SLC35F3: variants seen among roughly 807,000 people sequenced by gnomAD.
SLC35F3 encodes the protein solute carrier family 35 member F3.
A neutral mutation model predicts 49.9 loss-of-function variants in SLC35F3; 25 were observed. The observed-to-expected ratio is 0.50, with a 90% CI of 0.37 to 0.70. The LOEUF (loss-of-function observed/expected upper bound fraction) is 0.70. Ranked by LOEUF, SLC35F3 falls within the 30% of genes least tolerant of loss-of-function variation. The pLI is 0.00. For synonymous variants in SLC35F3, 275 were observed against 265.4 expected, an observed-to-expected ratio of 1.04 and a Z score of -0.35; for missense variants, 525 against 639.8, an observed-to-expected ratio of 0.82 and a Z score of 1.94.
intron 2 of SLC35F3, among the ~76,000 whole-genome samples, chr1:233,967,403 A>G (rs1662921759): frequency 6.6e-6 from 1 of 152,234 alleles, no homozygotes; most frequent in Admixed American, 6.5e-5. Context: ...ATTTTTAGCT[A>G]GATTATCTGG....
chr1:234,197,586 T>C (rs1558257221), intron 2 of SLC35F3, among the ~76,000 whole-genome samples: 4 of 152,014 alleles, frequency 2.6e-5, no homozygotes, highest in Admixed American at 2.0e-4. Flanking sequence ...CACTCCCTGA[T>C]GTGGAGAGGG....
chr1:234,190,439 A>G (rs913058458), intron 2 of SLC35F3, among the ~76,000 whole-genome samples: 5 of 152,232 alleles, frequency 3.3e-5, no homozygotes, highest in African/African-American at 4.8e-5. Flanking sequence ...CAGACAAAAC[A>G]AACTTGAAAG....
In SLC35F3 at chr1:233,996,590, C is replaced by T. The variant is rs190748552; in HGVS notation, c.283+90832C>T. ...GACAGCCTCACACTGGTTGCCAAAC[C>T]CTTCCCTCTTTGGAATGTGCCATGG... On this transcript the variant is annotated intron_variant, in intron 2 of 7. Transcript: ENST00000366618. 1.2e-4 allele frequency among the ~76,000 whole-genome samples: 18 copies of T among 152,224 alleles called. No individual in the cohort carries two copies. In the East Asian group the frequency reaches 2.9e-3, roughly 24 times the overall value.
At chr1:234,212,313 A>G (rs1399912777) in intron 2 of SLC35F3, among the ~76,000 whole-genome samples, 1 of 152,210 alleles carries the variant, frequency 6.6e-6, no homozygotes, top group African/African-American at 2.4e-5. Flanking sequence ...AGTATAAACC[A>G]GTTTCCCCAG....
At chr1:234,136,259 T>TGTCTTTCTTTCTC (rs1665809969) in intron 2 of SLC35F3, among the ~76,000 whole-genome samples, 1 of 112,334 alleles carries the variant, frequency 8.9e-6, no homozygotes, top group Non-Finnish European at 1.8e-5. Flanking sequence ...TTTCTTTTTC[T>TGTCTTTCTTTCTC]GTCTTTCTTT....
In SLC35F3 at chr1:234,231,796, C is replaced by A; in HGVS notation, c.608+55C>A. On this transcript the variant is annotated intron_variant, in intron 3 of 7. Coordinates refer to ENST00000366618, the MANE Select transcript of SLC35F3 (RefSeq NM_173508.4). This position sits in a 1 kb window ranked among gnomAD's most constrained non-coding sequence, Gnocchi z 5.4. ...TGACCCCGGGCTGCTCCATCCAGCG[C>A]TGACTCTGCAGAGCTGCCCCTGGTG... 1 of 1,524,496 alleles carries A rather than the reference C, an allele frequency of 6.6e-7. No individual in the cohort carries two copies. Among genetic ancestry groups the A allele is most frequent in the Non-Finnish European group, 8.9e-7 (1 of 1,120,852 alleles). 94.4% of individuals were successfully genotyped at this position (1,524,496 alleles called of 1,614,324 possible). A position where few individuals can be genotyped will look rare whatever the true frequency, so the allele number is the denominator to read the frequency against.
At position 233,905,727 on chromosome 1, in the gene SLC35F3, T is replaced by G. The variant is rs1301985322; in HGVS notation, c.252T>G (p.Tyr84Ter). 1 of 1,613,988 alleles carries G rather than the reference T, an allele frequency of 6.2e-7. No individual in the cohort carries two copies. The highest frequency in any genetic ancestry group is 1.1e-5 in the South Asian group (1 of 91,052). Residue 84 changes from tyrosine (Y) to a stop codon, truncating the protein, a stop_gained, in exon 2 of 8, where the codon TAT (tyrosine) becomes TAG (stop). Transcript: ENST00000366618. LOFTEE classifies it high-confidence loss of function. ...EERILRITGY[Y>*]GYQPWAASCK... is the part of the protein sequence containing the mutation. ...GGATCCTGCGCATCACTGGCTACTA[T>G]GGCTACCAGCCCTGGGCAGCGAGCT... is the stretch of plus-strand genomic sequence containing the variant.
chr1:234,111,990 C>G (rs1025734986), intron 2 of SLC35F3, among the ~76,000 whole-genome samples: 2 of 152,022 alleles, frequency 1.3e-5, no homozygotes, highest in African/African-American at 4.8e-5. Context: ...TAAATGCAGG[C>G]CATGCTTTCG....
At chr1:234,174,134 C>T (rs1666442106) in intron 2 of SLC35F3, among the ~76,000 whole-genome samples, 1 of 152,244 alleles carries the variant, frequency 6.6e-6, no homozygotes, top group East Asian at 1.9e-4. Flanking sequence ...TGTTTTGTCC[C>T]TGTGCTAATG....
In SLC35F3 at chr1:233,995,652, T is replaced by A. The variant is rs565983469; in HGVS notation, c.283+89894T>A. ...GGCTTTTCTTGGACAAGTCTCAGTA[T>A]AACAACAGCAGCAGAGGAGAGGAAG... On this transcript the variant is annotated intron_variant, in intron 2 of 7. Coordinates refer to ENST00000366618, the MANE Select transcript of SLC35F3 (RefSeq NM_173508.4). Among the ~76,000 whole-genome samples, 27 of 152,288 alleles carry A rather than the reference T, an allele frequency of 1.8e-4. 1 individual carries two copies. The South Asian group carries it at 5.4e-3, about 30-fold the overall frequency.
intron 2 of SLC35F3, among the ~76,000 whole-genome samples, chr1:233,991,296 C>CTAA (rs1471369140): frequency 1.3e-5 from 2 of 152,086 alleles, no homozygotes; most frequent in Non-Finnish European, 2.9e-5. Context: ...AAATGCTTAC[C>CTAA]CTCTGTGCTG....
chr1:234,267,785 G>A (rs1417450904), intron 3 of SLC35F3, among the ~76,000 whole-genome samples: 5 of 148,238 alleles, frequency 3.4e-5, no homozygotes, highest in African/African-American at 1.0e-4. Flanking sequence ...CAGATGGGGC[G>A]GCCGGGCAGA....
At chr1:234,155,503 G>A (rs1024593644) in intron 2 of SLC35F3, among the ~76,000 whole-genome samples, 5 of 151,986 alleles carry the variant, frequency 3.3e-5, no homozygotes, top group South Asian at 4.2e-4. Flanking sequence ...TCTGACTCCC[G>A]GGTTGAAGCG....
intron 2 of SLC35F3, among the ~76,000 whole-genome samples, chr1:234,139,928 C>G (rs919132032): frequency 2.5e-5 from 2 of 81,628 alleles, no homozygotes; most frequent in African/African-American, 8.5e-5. Flanking sequence ...AGCCTGGCAA[C>G]AGAGCGAGAC....
chr1:234,193,363 A>G (rs1043610924), intron 2 of SLC35F3, among the ~76,000 whole-genome samples: 5 of 152,222 alleles, frequency 3.3e-5, no homozygotes, highest in African/African-American at 1.2e-4. Flanking sequence ...CTATTCAACA[A>G]ATGGTGTGGG....
At chr1:234,013,263 A>G (rs2102838705) in intron 2 of SLC35F3, among the ~76,000 whole-genome samples, 1 of 152,208 alleles carries the variant, frequency 6.6e-6, no homozygotes, top group South Asian at 2.1e-4. Flanking sequence ...TCAAAAGGGA[A>G]ATTTTTAAAA....
intron 2 of SLC35F3, among the ~76,000 whole-genome samples, chr1:234,064,141 A>C (rs1298074918): frequency 6.6e-6 from 1 of 151,974 alleles, no homozygotes; most frequent in Non-Finnish European, 1.5e-5. Context: ...TGTCTGTTTT[A>C]TACTTTTGCT....
intron 3 of SLC35F3, among the ~76,000 whole-genome samples, chr1:234,279,592 C>T (rs1668269817): frequency 1.3e-5 from 2 of 152,154 alleles, no homozygotes; most frequent in East Asian, 3.9e-4. Flanking sequence ...AACAGACCTT[C>T]ACAGATGGTG....
At chr1:234,117,936 G>GTATATATATATA (rs1665515801) in intron 2 of SLC35F3, among the ~76,000 whole-genome samples, 3 of 116,096 alleles carry the variant, frequency 2.6e-5, no homozygotes, top group East Asian at 1.4e-3. Context: ...GTGTGTGTGT[G>GTATATATATATA]TGTGTGTGTG....
Sources: allele counts gnomAD v4.1 joint callset (sites outside exome capture counted in the v4.1 genomes callset), GRCh38; gene constraint gnomAD v4.1.1; non-coding constraint Gnocchi (gnomAD v3.1); transcripts MANE v1.5; gene names NCBI Gene and HGNC (gene_info 2026-07-23, HGNC 2026-07-21).